Variants in TEX36 observed in about 807,000 individuals in gnomAD.
TEX36 encodes testis expressed 36, also known as testis-expressed protein 36.
In TEX36, 12 loss-of-function variants were observed where a neutral mutation model predicts 13.6. The ratio of observed to expected loss-of-function variants is 0.88; its 90% confidence interval spans 0.56 to 1.43. The LOEUF (loss-of-function observed/expected upper bound fraction) is 1.43, where lower values mean the gene tolerates loss of function less well. Ranked by LOEUF, TEX36 falls within the 40% of genes most tolerant of loss-of-function variation. The pLI is 0.00. For synonymous variants in TEX36, 93 were observed against 83.0 expected (o/e 1.12, Z -0.65); for missense variants, 224 against 228.3 (o/e 0.98, Z 0.12).
chr10:125,594,307 G>C (rs1395784006), intron 3 of TEX36, among the ~76,000 whole-genome samples: 1 of 152,186 alleles, frequency 6.6e-6, no homozygotes, highest in Admixed American at 6.5e-5. Flanking sequence ...AAATGTCCCA[G>C]CTAAGTGAAA....
At chr10:125,646,820 T>C (rs901263775) in intron 3 of TEX36, among the ~76,000 whole-genome samples, 3 of 151,974 alleles carry the variant, frequency 2.0e-5, no homozygotes, top group Admixed American at 6.5e-5. Flanking sequence ...CCAATCTCCA[T>C]AAAAATAAAT....
At chr10:125,617,248 A>G (rs1415713571), downstream of TEX36, among the ~76,000 whole-genome samples, 1 of 151,856 alleles carries the variant, frequency 6.6e-6, no homozygotes, top group Admixed American at 6.6e-5. Flanking sequence ...CCAATTTGCC[A>G]GTCTGTGTCT....
chr10:125,601,248 C>T (rs940804266), intron 3 of TEX36, among the ~76,000 whole-genome samples: 1 of 152,206 alleles, frequency 6.6e-6, no homozygotes, highest in Non-Finnish European at 1.5e-5. Flanking sequence ...TTAATCTTCA[C>T]AATAATTCTA....
intron 3 of TEX36, among the ~76,000 whole-genome samples, chr10:125,607,373 C>A (rs1846227411): frequency 6.6e-6 from 1 of 152,186 alleles, no homozygotes; most frequent in African/African-American, 2.4e-5. Flanking sequence ...ATTTTAAAGT[C>A]AGGGATTATG....
chr10:125,576,669 G>T (rs1011223053), exon 4 of TEX36: 1 of 1,497,640 alleles, frequency 6.7e-7, no homozygotes, highest in Non-Finnish European at 8.9e-7. Flanking sequence ...AAGACAAAAG[G>T]TCCTTTTCTT....
At chr10:125,619,829 A>G (rs189758), downstream of TEX36, among the ~76,000 whole-genome samples, 7,966 of 152,134 alleles carry the variant, frequency 0.052, 290 homozygotes, top group South Asian at 0.17. Context: ...TGCTGGGATT[A>G]CAGGCGTGAG....
chr10:125,576,653 T>G, exon 4 of TEX36: 1 of 1,444,386 alleles, frequency 6.9e-7, no homozygotes, highest in South Asian at 1.3e-5. Flanking sequence ...ACTAACTAGC[T>G]AGGCTAAGAC....
chr10:125,680,638 T>C (rs1847378812), intron 1 of TEX36, among the ~76,000 whole-genome samples: 1 of 152,214 alleles, frequency 6.6e-6, no homozygotes, highest in Non-Finnish European at 1.5e-5. Flanking sequence ...AATGTGGCAA[T>C]TACGGTCCTC....
intron 3 of TEX36, among the ~76,000 whole-genome samples, chr10:125,631,139 T>C (rs943807253): frequency 6.6e-6 from 1 of 152,354 alleles, no homozygotes; most frequent in African/African-American, 2.4e-5. Context: ...AAATCAGGCA[T>C]GCTGAAAGGA....
Position 125,582,687 on chromosome 10 carries a change from C to G in TEX36, c.265-5813G>C, listed in dbSNP as rs149964424. 5.3e-3 allele frequency among the ~76,000 whole-genome samples: 806 copies of G among 152,250 alleles called. 3 individuals are homozygous for G. Among genetic ancestry groups the G allele is most frequent in the African/African-American group, 0.017 (714 of 41,546 alleles). ...ATTCAGACAATCAATAAATAAACCT[C>G]GGGAATTTACATGGATTAAGAGCTC... On this transcript the variant is annotated intron_variant, in intron 3 of 3. Coordinates refer to the TEX36 transcript ENST00000532135.
At chr10:125,577,849 G>A (rs1845843449) in intron 3 of TEX36, among the ~76,000 whole-genome samples, 2 of 152,196 alleles carry the variant, frequency 1.3e-5, no homozygotes, top group South Asian at 4.1e-4. Context: ...ACAAATAACT[G>A]GAAGGAGTAC....
chr10:125,621,737 A>C (rs1432881067), intron 3 of TEX36: 3 of 447,200 alleles, frequency 6.7e-6, no homozygotes, highest in Non-Finnish European at 1.3e-5. Flanking sequence ...TCTGTGGCCA[A>C]AGGCCCAAGA....
chr10:125,607,440 C>A (rs888113746), intron 3 of TEX36, among the ~76,000 whole-genome samples: 1 of 152,210 alleles, frequency 6.6e-6, no homozygotes, highest in Non-Finnish European at 1.5e-5. Flanking sequence ...GCATTTATTT[C>A]AGAAGCTATT....
chr10:125,625,406 T>C (rs994992379), intron 3 of TEX36, among the ~76,000 whole-genome samples: 2 of 152,226 alleles, frequency 1.3e-5, no homozygotes, highest in African/African-American at 4.8e-5. Context: ...GACAGAGAGT[T>C]GCCCAAATTG....
downstream of TEX36, among the ~76,000 whole-genome samples, chr10:125,651,835 C>T (rs1846864624): frequency 6.6e-6 from 1 of 152,182 alleles, no homozygotes; most frequent in Non-Finnish European, 1.5e-5. Context: ...AAATCACAAG[C>T]ATTCCTATAC....
downstream of TEX36, among the ~76,000 whole-genome samples, chr10:125,621,238 G>A (rs1846426559): frequency 6.6e-6 from 1 of 152,162 alleles, no homozygotes; most frequent in Admixed American, 6.5e-5. Context: ...GCTGAGTCAT[G>A]TGGTAATTCG....
intron 1 of TEX36, among the ~76,000 whole-genome samples, chr10:125,675,362 A>G (rs1847294782): frequency 6.6e-6 from 1 of 151,556 alleles, no homozygotes; most frequent in South Asian, 2.1e-4. Flanking sequence ...CACAGTGATG[A>G]CAGCTGCCCC....
intron 1 of TEX36, among the ~76,000 whole-genome samples, chr10:125,666,018 C>T (rs1355845412): frequency 1.3e-5 from 2 of 152,070 alleles, no homozygotes; most frequent in East Asian, 3.9e-4. Flanking sequence ...TATATAAAAG[C>T]TACTGCTTTT....
intron 1 of TEX36, among the ~76,000 whole-genome samples, chr10:125,675,322 C>A (rs1396854385): frequency 6.6e-6 from 1 of 152,148 alleles, no homozygotes; most frequent in Non-Finnish European, 1.5e-5. Context: ...CACTCCTCCC[C>A]CTGGGAGCTC....
Sources: gnomAD v4.1 joint callset for allele counts (sites outside exome capture counted in the v4.1 genomes callset) on GRCh38, gnomAD v4.1.1 for gene constraint, MANE v1.5 for transcripts, NCBI Gene and HGNC (gene_info 2026-07-23, HGNC 2026-07-21) for gene names.